The following DCDC1 variants were observed in gnomAD, a reference collection of about 807,000 sequenced individuals.
DCDC1 encodes doublecortin domain containing 1.
DCDC1 carries 200 observed loss-of-function variants against 178.3 expected under a neutral mutation model. The ratio of observed to expected loss-of-function variants is 1.12; its 90% CI spans 1.00 to 1.26. The LOEUF (loss-of-function observed/expected upper bound fraction) is 1.26, where lower values mean the gene tolerates loss of function less well. Among genes scored for constraint, DCDC1 ranks in the 50% most tolerant of loss-of-function variants. The pLI, the probability that DCDC1 is intolerant of heterozygous loss-of-function variation, is 0.00. For missense variants in DCDC1, 1,983 were observed against 1,749.2 expected, an observed-to-expected ratio of 1.13 and a Z score of -2.38; for synonymous variants, 690 against 604.8, an observed-to-expected ratio of 1.14 and a Z score of -2.07.
intron 20 of DCDC1, among the ~76,000 whole-genome samples, chr11:30,976,469 C>G (rs992559249): frequency 4.0e-5 from 6 of 151,468 alleles, no homozygotes; most frequent in Non-Finnish European, 8.8e-5. Flanking sequence ...ATACAAGGAA[C>G]TTAGACAATT....
chr11:31,180,623 A>G (rs1222096414), intron 9 of DCDC1, among the ~76,000 whole-genome samples: 1 of 152,130 alleles, frequency 6.6e-6, no homozygotes, highest in Non-Finnish European at 1.5e-5. Flanking sequence ...CCACTAGCCA[A>G]GGGAAGCCTT....
In DCDC1 at chr11:31,102,208, A is replaced by T; in HGVS notation, c.1952T>A (p.Val651Glu). Reference sequence around the variant, plus strand: ...CTGTAGAAAATGGTTCTCCAAGTCCACCTTTTCAAACTGGTCAGGTATCTG... The same window carrying T: ...CTGTAGAAAATGGTTCTCCAAGTCCTCCTTTTCAAACTGGTCAGGTATCTG... ...SQQIPDQFEK[V>E]DLENHFLQNK... Residue 651 changes from valine (V) to glutamate (E), a missense_variant, in exon 15 of 39, where the codon GTG becomes GAG. Transcript: ENST00000684477. 1.4e-6 allele frequency: 1 copy of T among 730,922 alleles called. No homozygotes were observed. Among genetic ancestry groups the T allele is most frequent in the East Asian group, 2.5e-5 (1 of 40,482 alleles). The allele number at this position is 730,922 out of a possible 1,614,324, so 45.3% of individuals were successfully genotyped here. A position where few individuals can be genotyped will look rare whatever the true frequency, so the allele number is the denominator to read the frequency against.
chr11:31,361,839 A>G (rs891380952), intron 1 of DCDC1, among the ~76,000 whole-genome samples: 1 of 152,208 alleles, frequency 6.6e-6, no homozygotes, highest in Non-Finnish European at 1.5e-5. Context: ...TTTCTGGACC[A>G]GCATTTGCTC....
chr11:31,131,651 C>G (rs1016147038), intron 10 of DCDC1, among the ~76,000 whole-genome samples: 1 of 152,128 alleles, frequency 6.6e-6, no homozygotes. Context: ...ATGAAAGGCC[C>G]TAAATAGAAG....
intron 9 of DCDC1, among the ~76,000 whole-genome samples, chr11:31,194,613 A>C (rs1290467863): frequency 6.6e-6 from 1 of 152,126 alleles, no homozygotes; most frequent in Non-Finnish European, 1.5e-5. Context: ...ATAGCTCCAT[A>C]GCCATCATTT....
intron 3 of DCDC1, among the ~76,000 whole-genome samples, 169 bp from the exon 4 acceptor site, chr11:31,308,077 T>C (rs1464308737): frequency 3.3e-5 from 5 of 152,242 alleles, no homozygotes; most frequent in Non-Finnish European, 1.5e-5. Context: ...ATTATTTTTA[T>C]TCCCATTTTA....
chr11:30,865,935 G>A (rs1940941737), intron 38 of DCDC1, among the ~76,000 whole-genome samples: 1 of 151,986 alleles, frequency 6.6e-6, no homozygotes, highest in Admixed American at 6.6e-5. Context: ...TGATTATTAT[G>A]GGTTGAATTG....
intron 20 of DCDC1, among the ~76,000 whole-genome samples, chr11:31,023,140 A>T (rs1211484275): frequency 6.6e-6 from 1 of 152,138 alleles, no homozygotes; most frequent in African/African-American, 2.4e-5. Context: ...GAGGCAATCT[A>T]GTCTTCAGCT....
At position 30,878,693 on chromosome 11, in the gene DCDC1, T is replaced by A; in HGVS notation, c.5252A>T (p.Glu1751Val). Residue 1751 changes from glutamate (E) to valine (V), a missense_variant, in exon 38 of 39, where the codon GAG (glutamate) becomes GTG (valine). Glu to Val is a moderately radical substitution (Grantham distance 121, BLOSUM62 -2). Coordinates refer to ENST00000684477, the MANE Select transcript of DCDC1 (RefSeq NM_001387274.1). ...KTPKELKQLM[E>V]IRANYARIRR... ...GATTCTGGCATAATTTGCTCTGATC[T>A]CCATCAGTTGTTTTAACTCTGTTAA... is the stretch of plus-strand genomic sequence containing the variant. The A allele has an allele frequency of 6.3e-7, 1 of 1,585,202 alleles. No homozygotes were observed. Among genetic ancestry groups the A allele is most frequent in the Non-Finnish European group, 8.5e-7 (1 of 1,169,810 alleles).
chr11:30,868,290 GC>G (rs1232805125), intron 38 of DCDC1, among the ~76,000 whole-genome samples: 1 of 109,668 alleles, frequency 9.1e-6, no homozygotes, highest in Non-Finnish European at 1.7e-5. Flanking sequence ...TTACTCTGTT[GC>G]CCAGGCTGGA....
chr11:30,932,114 T>C (rs78069472), intron 21 of DCDC1, among the ~76,000 whole-genome samples, 162 bp from the exon 22 acceptor site: 1,602 of 152,302 alleles, frequency 0.011, 29 homozygotes, highest in African/African-American at 0.037. Flanking sequence ...ATTAATGTTT[T>C]ATTTGAAGAG....
In DCDC1 at chr11:31,241,543, T is replaced by C. The variant is rs1018665182; in HGVS notation, c.1128A>G (p.Glu376=). The C allele has an allele frequency of 2.5e-6, 1 of 397,536 alleles. No individual in the cohort carries two copies. Among genetic ancestry groups the C allele is most frequent in the African/African-American group, 2.1e-5 (1 of 48,514 alleles). The allele number at this position is 397,536 out of a possible 1,614,324, so 24.6% of individuals were successfully genotyped here. ...LRGLLWVSKG[E]GFSPSGAKMY... is the part of the protein sequence containing the mutation. ...TCTTAGCTCCTGAGGGGCTGAAACC[T>C]TCTCCCTTAGAGACCCAAAGTAGTC... The change falls in exon 9 of 39, where the codon GAA becomes GAG. Residue 376 remains glutamate (E), a synonymous_variant. Coordinates refer to ENST00000684477, the MANE Select transcript of DCDC1 (RefSeq NM_001387274.1).
At chr11:31,122,683 T>C (rs2135899888) in intron 11 of DCDC1, among the ~76,000 whole-genome samples, 1 of 152,208 alleles carries the variant, frequency 6.6e-6, no homozygotes, top group South Asian at 2.1e-4. Context: ...CTGACCCGAA[T>C]GTTGATTAAT....
At chr11:31,211,111 G>GATCTCCC (rs1972479790) in intron 9 of DCDC1, among the ~76,000 whole-genome samples, 1 of 152,174 alleles carries the variant, frequency 6.6e-6, no homozygotes, top group Admixed American at 6.5e-5. Context: ...CTCATCTGTA[G>GATCTCCC]ATGATCATCC....
chr11:31,235,287 GA>G (rs1976314302), intron 9 of DCDC1, among the ~76,000 whole-genome samples: 1 of 151,352 alleles, frequency 6.6e-6, no homozygotes, highest in East Asian at 1.9e-4. Context: ...CAGTGTATTA[GA>G]AAAAATGCAT....
At chr11:30,975,393 A>AG (rs1236454375) in intron 20 of DCDC1, among the ~76,000 whole-genome samples, 1 of 152,106 alleles carries the variant, frequency 6.6e-6, no homozygotes, top group African/African-American at 2.4e-5. Context: ...AAAGAAAAAA[A>AG]TAAAAGGCAT....
intron 8 of DCDC1, among the ~76,000 whole-genome samples, chr11:31,243,216 G>C (rs1274940248): frequency 6.6e-6 from 1 of 151,664 alleles, no homozygotes; most frequent in African/African-American, 2.4e-5. Context: ...CTTTAAAAAT[G>C]TATAATATAA....
chr11:31,113,533 C>T lies in DCDC1; in HGVS notation c.1486-3172G>A, dbSNP rs1008125192. On this transcript the variant is annotated intron_variant, in intron 11 of 38. Coordinates refer to ENST00000684477, the MANE Select transcript of DCDC1 (RefSeq NM_001387274.1). ...CAATTCCCACCTATGAGTGAGAACACGTGGTGTTTGGTTTTTTGTCCTTGC... is the reference window on the plus strand; with the variant it reads ...CAATTCCCACCTATGAGTGAGAACATGTGGTGTTTGGTTTTTTGTCCTTGC... Among the ~76,000 whole-genome samples the T allele has an allele frequency of 1.5e-4, 22 of 148,204 alleles. No individual in the cohort carries two copies. The South Asian group carries it at 1.8e-3, about 12-fold the overall frequency.
At chr11:30,882,637 C>T (rs184680105) in intron 36 of DCDC1, 1 of 152,242 alleles carries the variant, frequency 6.6e-6, no homozygotes, top group East Asian at 1.9e-4. Flanking sequence ...AGGATTCTGA[C>T]AGCTCCCAAG....
Sources: allele counts gnomAD v4.1 joint callset (sites outside exome capture counted in the v4.1 genomes callset), GRCh38; gene constraint gnomAD v4.1.1; transcripts MANE v1.5; gene names NCBI Gene and HGNC (gene_info 2026-07-23, HGNC 2026-07-21).